MET: variants seen among roughly 807,000 people sequenced by gnomAD.
The protein encoded by MET is hepatocyte growth factor receptor.
Under a neutral mutation model 133.1 loss-of-function variants are expected in MET, and 48 were observed. The observed-to-expected ratio is 0.36, with a 90% confidence interval of 0.29 to 0.46. The LOEUF is 0.46. Ranked by LOEUF, MET falls within the 20% of genes least tolerant of loss-of-function variation. The probability of loss-of-function intolerance (pLI) is 1.00; values close to 1 mark genes in which losing one functional copy is unlikely to be tolerated. For missense variants in MET, 1,442 were observed against 1,695.9 expected, an observed-to-expected ratio of 0.85 and a Z score of 2.63; for synonymous variants, 628 against 616.5, an observed-to-expected ratio of 1.02 and a Z score of -0.28.
At chr7:116,749,985 T>A (rs765518753) in intron 5 of MET, among the ~76,000 whole-genome samples, 1 of 152,176 alleles carries the variant, frequency 6.6e-6, no homozygotes, top group Non-Finnish European at 1.5e-5. Flanking sequence ...AGACTCAATA[T>A]TGTGAAAATG....
intron 2 of MET, among the ~76,000 whole-genome samples, chr7:116,716,180 AG>A (rs1466155160): frequency 6.6e-6 from 1 of 151,482 alleles, no homozygotes; most frequent in Non-Finnish European, 1.5e-5. Context: ...TGAGCCCAGA[AG>A]GGAAGAGGTT....
At chr7:116,696,237 C>T (rs1796962892) in intron 1 of MET, among the ~76,000 whole-genome samples, 1 of 152,094 alleles carries the variant, frequency 6.6e-6, no homozygotes, top group Non-Finnish European at 1.5e-5. Flanking sequence ...GTTGGTCTCC[C>T]TTCCTCTGCA....
intron 2 of MET, among the ~76,000 whole-genome samples, chr7:116,728,040 G>C (rs1404391420): frequency 1.3e-5 from 2 of 152,134 alleles, no homozygotes; most frequent in African/African-American, 2.4e-5. Flanking sequence ...TTCTCCATAG[G>C]AAGACACAAG....
At chr7:116,730,650 T>C (rs1287746166) in intron 2 of MET, among the ~76,000 whole-genome samples, 1 of 151,940 alleles carries the variant, frequency 6.6e-6, no homozygotes, top group African/African-American at 2.4e-5. Flanking sequence ...TTGTTGGGAA[T>C]TGGTGATGGA....
At chr7:116,749,084 G>C (rs1460270870) in intron 5 of MET, among the ~76,000 whole-genome samples, 1 of 152,126 alleles carries the variant, frequency 6.6e-6, no homozygotes. Context: ...AAAAACAAGG[G>C]ACTCCTCCCT....
chr7:116,705,299 A>C (rs776840873), intron 2 of MET, among the ~76,000 whole-genome samples: 1 of 152,004 alleles, frequency 6.6e-6, no homozygotes, highest in African/African-American at 2.4e-5. Flanking sequence ...ATATTTAATA[A>C]AATAAACAAA....
rs2116586224 is a variant in MET, at chr7:116,699,420, G to A, written c.336G>A (p.Trp112Ter). The stretch of plus-strand genomic sequence containing the variant: ...AAGCCAATTTATCAGGAGGTGTTTG[G>A]AAAGATAACATCAACATGGCTCTAG... ...SSKANLSGGV[W>*]KDNINMALVV... Residue 112 changes from tryptophan to a stop codon, truncating the protein, a stop_gained, in exon 2 of 21, where the codon TGG becomes TGA. Transcript: ENST00000397752. LOFTEE classifies it high-confidence loss of function. The A allele has an allele frequency of 1.2e-6, 2 of 1,614,026 alleles. No homozygotes were observed. The highest frequency in any genetic ancestry group is 1.7e-6 in the Non-Finnish European group (2 of 1,179,952).
At chr7:116,769,831 G>A (rs778375178) in intron 12 of MET, 40 bp downstream of exon 12, 5 of 1,612,930 alleles carry the variant, frequency 3.1e-6, no homozygotes, top group East Asian at 4.5e-5. Flanking sequence ...AAATAAGGAA[G>A]CCAGTGTAAT....
At chr7:116,683,077 TA>T (rs997476737) in intron 1 of MET, among the ~76,000 whole-genome samples, 2 of 152,180 alleles carry the variant, frequency 1.3e-5, no homozygotes, top group Non-Finnish European at 2.9e-5. Context: ...TTTTCTTTTT[TA>T]AAAAAATTAT....
At chr7:116,690,282 G>A (rs1054420847) in intron 1 of MET, among the ~76,000 whole-genome samples, 5 of 152,064 alleles carry the variant, frequency 3.3e-5, no homozygotes, top group African/African-American at 1.2e-4. Context: ...CCCATGAGAT[G>A]TATATCATTA....
At chr7:116,735,213 G>A (rs375787762) in intron 3 of MET, among the ~76,000 whole-genome samples, 1 of 152,064 alleles carries the variant, frequency 6.6e-6, no homozygotes, top group East Asian at 1.9e-4. Context: ...AGCTCTTCCC[G>A]CATGCCCCTT....
intron 1 of MET, among the ~76,000 whole-genome samples, chr7:116,687,031 C>G (rs966315347): frequency 6.6e-6 from 1 of 152,234 alleles, no homozygotes; most frequent in East Asian, 1.9e-4. Context: ...TACAGCACAG[C>G]CTGGGCGTGT....
intron 2 of MET, among the ~76,000 whole-genome samples, chr7:116,721,812 T>C (rs1486250433): frequency 6.6e-6 from 1 of 152,228 alleles, no homozygotes. Flanking sequence ...AGATTCTTAA[T>C]CCTGAGTTCT....
In MET at chr7:116,771,643, A is replaced by G. The variant is rs1297472107; in HGVS notation, c.2876A>G (p.Lys959Arg). The G allele has an allele frequency of 6.2e-7, 1 of 1,613,704 alleles. No individual in the cohort carries two copies. The highest frequency in any genetic ancestry group is 8.5e-7 in the Non-Finnish European group (1 of 1,179,796). Residue 959 changes from lysine to arginine, a missense_variant, in exon 13 of 21, where the codon AAG (lysine) becomes AGG (arginine). This residue lies in a region of MET where 514 missense variants were observed against 659.6 expected (regional missense o/e 0.78). Transcript: ENST00000397752. ...TTTTTCCTGTGGCTGAAAAAGAGAA[A>G]GCAAATTAAAGGTGCATTTTTGTTA... Reference protein sequence around the residue: ...LGFFLWLKKRKQIKDLGSELV... With the variant: ...LGFFLWLKKRRQIKDLGSELV...
At chr7:116,725,735 T>C (rs1055990878) in intron 2 of MET, among the ~76,000 whole-genome samples, 3 of 151,266 alleles carry the variant, frequency 2.0e-5, no homozygotes, top group Non-Finnish European at 2.9e-5. Context: ...TATCTAAATA[T>C]ATCTAAAGAT....
At chr7:116,736,805 A>G (rs1398452089) in intron 3 of MET, among the ~76,000 whole-genome samples, 4 of 152,204 alleles carry the variant, frequency 2.6e-5, no homozygotes, top group African/African-American at 9.7e-5. Flanking sequence ...ACTCAAAGAT[A>G]ATTGTTGGTC....
rs2117109019 is a variant in MET, at chr7:116,795,775, T to C, written c.3919T>C (p.Tyr1307His). 1.2e-6 allele frequency: 2 copies of C among 1,614,222 alleles called. No homozygotes were observed. Among genetic ancestry groups the C allele is most frequent in the Non-Finnish European group, 1.7e-6 (2 of 1,180,030 alleles). Residue 1307 changes from tyrosine (Y) to histidine (H), a missense_variant, in exon 20 of 21, where the codon TAC (tyrosine) becomes CAC (histidine). Coordinates refer to ENST00000397752, the MANE Select transcript of MET (RefSeq NM_000245.4). ...AGGGAGAAGACTCCTACAACCCGAA[T>C]ACTGCCCAGACCCCTTGTAAGTAGT... Reference protein sequence around the residue: ...LQGRRLLQPEYCPDPLYEVML... With the variant: ...LQGRRLLQPEHCPDPLYEVML...
Position 116,699,159 on chromosome 7 carries a change from G to A in MET, c.75G>A (p.Glu25=), listed in dbSNP as rs925600985. The A allele has an allele frequency of 1.2e-6, 2 of 1,613,818 alleles. No homozygotes were observed. Among genetic ancestry groups the A allele is most frequent in the Non-Finnish European group, 8.5e-7 (1 of 1,179,906 alleles). ...CCTTGGTGCAGAGGAGCAATGGGGA[G>A]TGTAAAGAGGCACTAGCAAAGTCCG... is the stretch of plus-strand genomic sequence containing the variant. ...LFTLVQRSNG[E]CKEALAKSEM... The change falls in exon 2 of 21, where the codon GAG becomes GAA. Residue 25 remains glutamate, a synonymous_variant. Transcript: ENST00000397752.
intron 5 of MET, among the ~76,000 whole-genome samples, chr7:116,743,299 C>T (rs1488260179): frequency 6.6e-6 from 1 of 152,242 alleles, no homozygotes; most frequent in East Asian, 1.9e-4. Context: ...AAGCACAAAA[C>T]TGGGCGGCCA....
Sources: allele counts gnomAD v4.1 joint callset (sites outside exome capture counted in the v4.1 genomes callset), GRCh38; gene constraint gnomAD v4.1.1; regional missense constraint gnomAD v4.1.1; transcripts MANE v1.5; gene names NCBI Gene and HGNC (gene_info 2026-07-23, HGNC 2026-07-21).